IPO8: variants seen among roughly 807,000 people sequenced by gnomAD.
IPO8 encodes importin-8.
Under a neutral mutation model 141.2 loss-of-function variants are expected in IPO8, and 65 were observed. That is an observed-to-expected ratio of 0.46 (90% confidence interval 0.38 to 0.57). The LOEUF (loss-of-function observed/expected upper bound fraction) is 0.57, where lower values mean the gene tolerates loss of function less well. Ranked by LOEUF, IPO8 falls within the 20% of genes least tolerant of loss-of-function variation. The probability of loss-of-function intolerance (pLI) is 0.00; values close to 1 mark genes in which losing one functional copy is unlikely to be tolerated. For synonymous variants in IPO8, 411 were observed against 420.3 expected (o/e 0.98, Z 0.27); for missense variants, 980 against 1,246.8 (o/e 0.79, Z 3.22).
At chr12:30,643,479 C>T (rs760994240) in intron 20 of IPO8, among the ~76,000 whole-genome samples, 1 of 152,154 alleles carries the variant, frequency 6.6e-6, no homozygotes, top group Non-Finnish European at 1.5e-5. Context: ...ACTATGGTCT[C>T]GATATGGTTT....
rs1053237919 is a variant in IPO8, at chr12:30,690,481, A to G, written c.166+15T>C. On this transcript the variant is annotated intron_variant, in intron 2 of 24. Transcript: ENST00000256079. ...ACCTATAAATAAATTTATAAAGGATAAAAAACCAACTCACCTGCCTGTCGT... is the reference window on the plus strand; with the variant it reads ...ACCTATAAATAAATTTATAAAGGATGAAAAACCAACTCACCTGCCTGTCGT... 6.6e-7 allele frequency: 1 copy of G among 1,511,288 alleles called. No individual in the cohort carries two copies. Among genetic ancestry groups the G allele is most frequent in the African/African-American group, 1.4e-5 (1 of 71,158 alleles). 93.6% of individuals were successfully genotyped at this position (1,511,288 alleles called of 1,614,324 possible). A position where few individuals can be genotyped will look rare whatever the true frequency, so the allele number is the denominator to read the frequency against.
intron 20 of IPO8, among the ~76,000 whole-genome samples, chr12:30,644,372 TA>T (rs11395707): frequency 2.1e-4 from 31 of 145,118 alleles, no homozygotes; most frequent in Admixed American, 3.4e-4. Context: ...CAATCTCCAT[TA>T]AAAAAAAAAA....
At chr12:30,635,410 A>G (rs4459394) in intron 22 of IPO8, among the ~76,000 whole-genome samples, 9,391 of 152,194 alleles carry the variant, frequency 0.062, 377 homozygotes, top group Middle Eastern at 0.12. Flanking sequence ...TCATAACATC[A>G]CTTTGTACTC....
At chr12:30,644,199 C>T (rs1188901005) in intron 20 of IPO8, among the ~76,000 whole-genome samples, 1 of 151,934 alleles carries the variant, frequency 6.6e-6, no homozygotes, top group East Asian at 1.9e-4. Flanking sequence ...GAGACCTCAT[C>T]TTTACAAAAA....
chr12:30,646,600 T>C (rs1257430683), intron 20 of IPO8, among the ~76,000 whole-genome samples: 1 of 151,982 alleles, frequency 6.6e-6, no homozygotes, highest in East Asian at 1.9e-4. Context: ...AAAAATCCAC[T>C]AAACCACCAT....
At chr12:30,681,562 A>G (rs2053188653) in intron 4 of IPO8, 97 bp downstream of exon 4, 1 of 1,099,848 alleles carries the variant, frequency 9.1e-7, no homozygotes, top group South Asian at 1.6e-5. Context: ...CTAATCTGAT[A>G]ACCTGTGCAG....
chr12:30,689,687 A>C (rs1379211324), intron 2 of IPO8, among the ~76,000 whole-genome samples: 1 of 152,212 alleles, frequency 6.6e-6, no homozygotes, highest in East Asian at 1.9e-4. Flanking sequence ...CTACGTGAAC[A>C]CATGGAAAGG....
chr12:30,656,146 C>T (rs903875972), intron 17 of IPO8, among the ~76,000 whole-genome samples: 2 of 152,210 alleles, frequency 1.3e-5, no homozygotes, highest in South Asian at 2.1e-4. Context: ...ATGTGATCCT[C>T]CCACTTCAGC....
At chr12:30,633,528 A>G (rs2052461761) in intron 23 of IPO8, among the ~76,000 whole-genome samples, 2 of 152,294 alleles carry the variant, frequency 1.3e-5, no homozygotes, top group Non-Finnish European at 1.5e-5. Context: ...GCCTCTGTAC[A>G]CTGTGTACAT....
chr12:30,673,880 T>A (rs2053083861), intron 8 of IPO8, 110 bp downstream of exon 8: 1 of 598,792 alleles, frequency 1.7e-6, no homozygotes, highest in Non-Finnish European at 2.9e-6. Flanking sequence ...CCTTCCATCC[T>A]CTATAAATAT....
intron 20 of IPO8, among the ~76,000 whole-genome samples, chr12:30,639,968 G>A (rs1404925078): frequency 6.6e-6 from 1 of 152,182 alleles, no homozygotes; most frequent in African/African-American, 2.4e-5. Context: ...TCCTTCTTAA[G>A]TAAATTAAAG....
intron 23 of IPO8, among the ~76,000 whole-genome samples, chr12:30,633,498 G>C (rs1413781021): frequency 6.6e-6 from 1 of 151,898 alleles, no homozygotes; most frequent in Non-Finnish European, 1.5e-5. Context: ...TAGGTTACTG[G>C]TCTTATGTAT....
chr12:30,650,829 A>C (rs1393665866), intron 19 of IPO8, among the ~76,000 whole-genome samples: 4 of 152,048 alleles, frequency 2.6e-5, no homozygotes, highest in African/African-American at 7.2e-5. Context: ...TAGCTATGTG[A>C]TTGCAACTAT....
intron 10 of IPO8, among the ~76,000 whole-genome samples, chr12:30,667,611 A>G (rs533702119): frequency 6.6e-6 from 1 of 152,368 alleles, no homozygotes; most frequent in South Asian, 2.1e-4. Context: ...CACATATCAA[A>G]TAAAAGCCAC....
At chr12:30,669,069 C>A in intron 10 of IPO8, 114 bp downstream of exon 10, 1 of 508,584 alleles carries the variant, frequency 2.0e-6, no homozygotes, top group East Asian at 3.1e-5. Flanking sequence ...TTATGTCATG[C>A]AAAACAGAAC....
chr12:30,634,409 T>G, intron 22 of IPO8, 123 bp from the exon 23 acceptor site: 1 of 685,358 alleles, frequency 1.5e-6, no homozygotes, highest in Non-Finnish European at 2.4e-6. Flanking sequence ...CCACAAAATT[T>G]TAATAAAAAT....
In IPO8 at chr12:30,671,546, T is replaced by C. The variant is rs12300456; in HGVS notation, c.910-450A>G. Among the ~76,000 whole-genome samples the C allele has an allele frequency of 7.9e-3, 1,190 of 151,562 alleles. 11 individuals are homozygous for C. Among genetic ancestry groups the C allele is most frequent in the African/African-American group, 0.027 (1,106 of 41,308 alleles). On this transcript the variant is annotated intron_variant, in intron 8 of 24. Coordinates refer to ENST00000256079, the MANE Select transcript of IPO8 (RefSeq NM_006390.4). The stretch of plus-strand genomic sequence containing the variant: ...AAAATTAGCCGGGCGTGGTGGCGGG[T>C]GCCTGTAGTCCCAGCTACTGGGGAG...
At chr12:30,684,222 G>T in intron 3 of IPO8, 79 bp downstream of exon 3, 2 of 1,283,650 alleles carry the variant, frequency 1.6e-6, no homozygotes, top group Non-Finnish European at 2.2e-6. Flanking sequence ...TGAGGCCAAG[G>T]ATTAGATCCA....
In IPO8 at chr12:30,640,341, ATCTGAGG is replaced by A. The variant is rs540680301; in HGVS notation, c.2269-613_2269-607del. Reference sequence around the variant, plus strand: ...GCTGAAATGATTTCTATAAAATAAAATCTGAGGTCTTACTATAAGCCCCTTTTTAAAT... The same window carrying A: ...GCTGAAATGATTTCTATAAAATAAAATCTTACTATAAGCCCCTTTTTAAAT... On this transcript the variant is annotated intron_variant, in intron 20 of 24. Coordinates refer to ENST00000256079, the MANE Select transcript of IPO8 (RefSeq NM_006390.4). Among the ~76,000 whole-genome samples the A allele has an allele frequency of 5.9e-5, 9 of 152,306 alleles. No homozygotes were observed. In the East Asian group the frequency reaches 1.5e-3, roughly 26 times the overall value.
Sources: gnomAD v4.1 joint callset for allele counts (sites outside exome capture counted in the v4.1 genomes callset) on GRCh38, gnomAD v4.1.1 for gene constraint, MANE v1.5 for transcripts, NCBI Gene and HGNC (gene_info 2026-07-23, HGNC 2026-07-21) for gene names.